The following NME7 variants were observed in gnomAD, a reference collection of about 807,000 sequenced individuals.
NME7 encodes the protein NME/NM23 family member 7, also known as nucleoside diphosphate kinase 7.
In NME7, 41 loss-of-function variants were observed where a neutral mutation model predicts 49.1. That is an observed-to-expected ratio of 0.83 (90% CI 0.65 to 1.08). The LOEUF is 1.08. Ranked by LOEUF, NME7 falls within the 50% of genes least tolerant of loss-of-function variation. NME7 has a pLI of 0.00. For missense variants in NME7, 423 were observed against 463.4 expected (o/e 0.91, Z 0.80); for synonymous variants, 139 against 150.6 (o/e 0.92, Z 0.56).
chr1:169,341,116 T>C (rs1652678758), intron 1 of NME7, among the ~76,000 whole-genome samples: 1 of 152,196 alleles, frequency 6.6e-6, no homozygotes, highest in Non-Finnish European at 1.5e-5. Flanking sequence ...CAGCCCCTCC[T>C]ATCACAGACC....
chr1:169,242,164 T>G (rs1465969571), intron 7 of NME7, among the ~76,000 whole-genome samples: 3 of 151,920 alleles, frequency 2.0e-5, no homozygotes, highest in Non-Finnish European at 4.4e-5. Flanking sequence ...TTTTATAAAT[T>G]TAGCAACATA....
chr1:169,196,650 A>G (rs145170233), intron 10 of NME7, among the ~76,000 whole-genome samples: 46 of 152,310 alleles, frequency 3.0e-4, no homozygotes, highest in African/African-American at 1.0e-3. Flanking sequence ...TAATATTTGC[A>G]ACTTCAACTA....
At chr1:169,237,526 G>T in intron 8 of NME7, 97 bp downstream of exon 8, 1 of 812,470 alleles carries the variant, frequency 1.2e-6, no homozygotes, top group Non-Finnish European at 2.0e-6. Context: ...TTTTAATGTG[G>T]TTCATGAGTA....
chr1:169,250,047 G>A (rs1292536818), intron 7 of NME7, among the ~76,000 whole-genome samples: 1 of 151,992 alleles, frequency 6.6e-6, no homozygotes, highest in African/African-American at 2.4e-5. Flanking sequence ...CAGTAGGATT[G>A]GTCCCAGTTC....
At chr1:169,169,308 A>G in intron 11 of NME7, 139 bp downstream of exon 11, 1 of 682,398 alleles carries the variant, frequency 1.5e-6, no homozygotes, top group South Asian at 1.8e-5. Context: ...ATACCTATGT[A>G]ACAAAACTGC....
chr1:169,198,556 T>C (rs911638519), intron 10 of NME7, among the ~76,000 whole-genome samples: 7 of 152,104 alleles, frequency 4.6e-5, no homozygotes, highest in African/African-American at 1.7e-4. Context: ...GAATGCATGA[T>C]ACAATGTGGA....
chr1:169,327,972 G>T (rs1652124573), intron 1 of NME7, among the ~76,000 whole-genome samples: 1 of 152,100 alleles, frequency 6.6e-6, no homozygotes, highest in African/African-American at 2.4e-5. Flanking sequence ...CAATAATACT[G>T]ATCAGAAAGC....
Position 169,264,569 on chromosome 1 carries a change from C to A in NME7, c.754+22734G>T, listed in dbSNP as rs550342056. Among the ~76,000 whole-genome samples the A allele has an allele frequency of 1.5e-4, 20 of 133,488 alleles. 2 individuals carry two copies. In the South Asian group the frequency reaches 4.6e-3, roughly 31 times the overall value. 87.6% of individuals were successfully genotyped at this position (133,488 alleles called of 152,430 possible). ...TCCTAAAAATTTAGGATTCAACTATCCTAAATCTATAGGCACCCAATACAG... is the reference window on the plus strand; with the variant it reads ...TCCTAAAAATTTAGGATTCAACTATACTAAATCTATAGGCACCCAATACAG... On this transcript the variant is annotated intron_variant, in intron 7 of 11. Transcript: ENST00000367811.
intron 10 of NME7, among the ~76,000 whole-genome samples, chr1:169,184,461 T>C (rs1276140310): frequency 6.6e-6 from 1 of 152,192 alleles, no homozygotes; most frequent in Non-Finnish European, 1.5e-5. Flanking sequence ...AAAACAATTA[T>C]CTTCCCCTAT....
chr1:169,253,451 G>A (rs1648734311), intron 7 of NME7, among the ~76,000 whole-genome samples: 5 of 151,828 alleles, frequency 3.3e-5, no homozygotes, highest in Admixed American at 1.3e-4. Flanking sequence ...ATCAGCTTAA[G>A]GAGATTTTGG....
At chr1:169,294,877 T>C (rs377215387) in intron 6 of NME7, among the ~76,000 whole-genome samples, 9 of 152,192 alleles carry the variant, frequency 5.9e-5, no homozygotes, top group African/African-American at 1.2e-4. Flanking sequence ...ACGTTGAAAT[T>C]TGATCCCCAA....
At position 169,267,627 on chromosome 1, in the gene NME7, C is replaced by T. The variant is rs867518873; in HGVS notation, c.754+19676G>A. The stretch of plus-strand genomic sequence containing the variant: ...CAGATATAAACCCACACACCTACAA[C>T]CATCTGATCTTTGACAAAGCTGACA... On this transcript the variant is annotated intron_variant, in intron 7 of 11. Coordinates refer to ENST00000367811, the MANE Select transcript of NME7 (RefSeq NM_013330.5). 6.0e-5 allele frequency among the ~76,000 whole-genome samples: 8 copies of T among 133,028 alleles called. 3 individuals are homozygous for T. In the South Asian group the frequency reaches 1.9e-3, roughly 31 times the overall value. The allele number at this position is 133,028 out of a possible 152,430, so 87.3% of individuals were successfully genotyped here.
At chr1:169,341,732 G>C (rs1344780638) in intron 1 of NME7, among the ~76,000 whole-genome samples, 1 of 152,126 alleles carries the variant, frequency 6.6e-6, no homozygotes, top group Non-Finnish European at 1.5e-5. Flanking sequence ...TGTGAGACAT[G>C]GAATCAGAGG....
chr1:169,233,999 C>G (rs1344838996), intron 9 of NME7, among the ~76,000 whole-genome samples: 4 of 151,618 alleles, frequency 2.6e-5, no homozygotes, highest in Non-Finnish European at 4.4e-5. Context: ...CACTCATTCT[C>G]TTTCAGTGTT....
At chr1:169,275,246 A>C (rs1351036121) in intron 7 of NME7, among the ~76,000 whole-genome samples, 1 of 130,860 alleles carries the variant, frequency 7.6e-6, no homozygotes, top group African/African-American at 2.6e-5. Flanking sequence ...ATGGGAGCTC[A>C]CTCATGATTT....
At chr1:169,273,972 T>C (rs1444426521) in intron 7 of NME7, among the ~76,000 whole-genome samples, 1 of 132,860 alleles carries the variant, frequency 7.5e-6, no homozygotes, top group African/African-American at 2.6e-5. Context: ...TTTAGGTATA[T>C]ATTATACCAG....
In NME7 at chr1:169,256,729, C is replaced by A. The variant is rs1648955871; in HGVS notation, c.755-19042G>T. Reference sequence around the variant, plus strand: ...TTTGGTCTTTGATGATGGTGATGTACAGATGGGTTTTTGGTGTGGATGTCC... The same window carrying A: ...TTTGGTCTTTGATGATGGTGATGTAAAGATGGGTTTTTGGTGTGGATGTCC... On this transcript the variant is annotated intron_variant, in intron 7 of 11. Transcript: ENST00000367811. 1.6e-5 allele frequency among the ~76,000 whole-genome samples: 2 copies of A among 124,746 alleles called. 1 individual carries two copies. The highest frequency in any genetic ancestry group is 3.7e-5 in the Non-Finnish European group (2 of 53,686). The allele number at this position is 124,746 out of a possible 152,430, so 81.8% of individuals were successfully genotyped here.
chr1:169,328,934 C>G (rs1652161448), intron 1 of NME7, among the ~76,000 whole-genome samples: 1 of 152,132 alleles, frequency 6.6e-6, no homozygotes, highest in South Asian at 2.1e-4. Flanking sequence ...TACAAACATG[C>G]CAAGATTGCA....
chr1:169,318,433 G>A (rs1343345945), intron 3 of NME7, among the ~76,000 whole-genome samples: 1 of 152,054 alleles, frequency 6.6e-6, no homozygotes, highest in Non-Finnish European at 1.5e-5. Context: ...ATCTATGAAG[G>A]AGACAAGTAA....
Sources: gnomAD v4.1 joint callset for allele counts (sites outside exome capture counted in the v4.1 genomes callset) on GRCh38, gnomAD v4.1.1 for gene constraint, MANE v1.5 for transcripts, NCBI Gene and HGNC (gene_info 2026-07-23, HGNC 2026-07-21) for gene names.